NLGN1: variants seen among roughly 807,000 people sequenced by gnomAD.
NLGN1 encodes the protein neuroligin-1.
NLGN1 carries 12 observed loss-of-function variants against 65.5 expected under a neutral mutation model. The ratio of observed to expected loss-of-function variants is 0.18; its 90% CI spans 0.12 to 0.30. The LOEUF is 0.30. NLGN1 is among the 10% of genes least tolerant of loss of function. NLGN1 has a pLI of 1.00. For synonymous variants in NLGN1, 350 were observed against 359.5 expected (o/e 0.97, Z 0.30); for missense variants, 750 against 1,007.1 (o/e 0.74, Z 3.46).
chr3:173,982,015 A>T (rs1235155045), intron 4 of NLGN1, among the ~76,000 whole-genome samples: 3 of 152,066 alleles, frequency 2.0e-5, no homozygotes, highest in Non-Finnish European at 4.4e-5. Flanking sequence ...ATCTGTTTTG[A>T]TATTAAACTC....
intron 3 of NLGN1, among the ~76,000 whole-genome samples, chr3:173,683,931 A>C (rs1764326254): frequency 6.6e-6 from 1 of 152,188 alleles, no homozygotes; most frequent in African/African-American, 2.4e-5. Context: ...ATTTTAGCAC[A>C]GATCCAGCTG....
intron 3 of NLGN1, among the ~76,000 whole-genome samples, chr3:173,648,550 G>A (rs1758638676): frequency 6.6e-6 from 1 of 151,894 alleles, no homozygotes; most frequent in Admixed American, 6.6e-5. Flanking sequence ...GAAAACAACT[G>A]GGTAGATTCT....
chr3:173,897,885 C>G (rs1164177533), intron 4 of NLGN1, among the ~76,000 whole-genome samples: 2 of 152,132 alleles, frequency 1.3e-5, no homozygotes, highest in Non-Finnish European at 2.9e-5. Context: ...CTTTAGACTA[C>G]ATGAATCATT....
chr3:173,504,496 G>A (rs1163116787), intron 2 of NLGN1, among the ~76,000 whole-genome samples: 1 of 152,012 alleles, frequency 6.6e-6, no homozygotes, highest in Non-Finnish European at 1.5e-5. Flanking sequence ...AGTTTGCAAA[G>A]CACATATCTT....
Position 173,401,473 on chromosome 3 carries a change from G to A in NLGN1, c.-390+2986G>A, listed in dbSNP as rs866642973. Reference sequence around the variant, plus strand: ...ATAAGTGGTAGAGGACACATGATAAGATTTAAAAAACAAATAAGAAGAAGG... The same window carrying A: ...ATAAGTGGTAGAGGACACATGATAAAATTTAAAAAACAAATAAGAAGAAGG... On this transcript the variant is annotated intron_variant, in intron 1 of 6. Transcript: ENST00000457714. Among the ~76,000 whole-genome samples, 21 of 152,028 alleles carry A rather than the reference G, an allele frequency of 1.4e-4. No homozygotes were observed. In the Middle Eastern group the frequency reaches 0.01, roughly 74 times the overall value.
At chr3:174,080,210 CAT>C (rs1741862770) in intron 4 of NLGN1, among the ~76,000 whole-genome samples, 1 of 152,084 alleles carries the variant, frequency 6.6e-6, no homozygotes, top group African/African-American at 2.4e-5. Context: ...TCAATCATAA[CAT>C]AGAATAAATT....
At chr3:173,551,023 CT>C (rs1471815367) in intron 2 of NLGN1, among the ~76,000 whole-genome samples, 3 of 152,102 alleles carry the variant, frequency 2.0e-5, no homozygotes, top group African/African-American at 7.2e-5. Context: ...AGATTTCTGC[CT>C]TTACTGCATT....
At chr3:174,256,146 G>A (rs1745711823) in intron 4 of NLGN1, among the ~76,000 whole-genome samples, 1 of 152,086 alleles carries the variant, frequency 6.6e-6, no homozygotes, top group African/African-American at 2.4e-5. Context: ...TCATTCATTT[G>A]TTATTTATTT....
intron 3 of NLGN1, among the ~76,000 whole-genome samples, chr3:173,760,399 G>A (rs1026443684): frequency 6.6e-6 from 1 of 151,682 alleles, no homozygotes; most frequent in Non-Finnish European, 1.5e-5. Flanking sequence ...TAAATATTAT[G>A]AGAATCATAA....
At chr3:173,511,051 A>G (rs1732863285) in intron 2 of NLGN1, among the ~76,000 whole-genome samples, 1 of 152,182 alleles carries the variant, frequency 6.6e-6, no homozygotes, top group African/African-American at 2.4e-5. Flanking sequence ...CTAAGATAAT[A>G]TCAGTAATTT....
intron 4 of NLGN1, among the ~76,000 whole-genome samples, chr3:174,172,533 A>G (rs1422226792): frequency 2.0e-5 from 3 of 152,050 alleles, no homozygotes; most frequent in Non-Finnish European, 4.4e-5. Flanking sequence ...TCTTTTGCAT[A>G]TAGGTGTCCA....
chr3:173,852,819 C>G (rs1480826971), intron 4 of NLGN1, among the ~76,000 whole-genome samples: 1 of 152,102 alleles, frequency 6.6e-6, no homozygotes. Flanking sequence ...TTAAAATGAT[C>G]AATAACAATC....
chr3:173,414,969 G>T (rs1713379612), intron 1 of NLGN1, among the ~76,000 whole-genome samples: 1 of 152,156 alleles, frequency 6.6e-6, no homozygotes, highest in African/African-American at 2.4e-5. Flanking sequence ...CAAATAAATT[G>T]AAACAAGAGC....
intron 2 of NLGN1, among the ~76,000 whole-genome samples, chr3:173,590,486 ACCT>A (rs910261471): frequency 1.3e-5 from 2 of 152,068 alleles, no homozygotes; most frequent in African/African-American, 4.8e-5. Context: ...AGTCTGTATA[ACCT>A]CCACCATAGT....
intron 3 of NLGN1, among the ~76,000 whole-genome samples, chr3:173,712,404 T>C (rs1769130833): frequency 6.6e-6 from 1 of 152,202 alleles, no homozygotes; most frequent in Admixed American, 6.5e-5. Context: ...AAGCTAATTA[T>C]ACTCAAGATT....
chr3:173,425,744 A>G (rs1013115639), intron 1 of NLGN1, among the ~76,000 whole-genome samples: 1 of 152,172 alleles, frequency 6.6e-6, no homozygotes, highest in Admixed American at 6.5e-5. Flanking sequence ...GCCTTGTAGT[A>G]TACTTTGAAG....
intron 3 of NLGN1, among the ~76,000 whole-genome samples, chr3:173,713,026 A>T (rs1326481475): frequency 6.6e-6 from 1 of 152,132 alleles, no homozygotes; most frequent in Non-Finnish European, 1.5e-5. Context: ...ATTCTAAGAG[A>T]TTATATTCAT....
chr3:174,206,989 C>T (rs1735538450), intron 4 of NLGN1, among the ~76,000 whole-genome samples: 1 of 152,018 alleles, frequency 6.6e-6, no homozygotes, highest in Non-Finnish European at 1.5e-5. Context: ...CTCAGGATTA[C>T]CATGGAAACA....
chr3:173,640,079 A>T (rs968417937), intron 3 of NLGN1, among the ~76,000 whole-genome samples: 5 of 152,200 alleles, frequency 3.3e-5, no homozygotes, highest in Admixed American at 6.5e-5. Context: ...TTAATATGTC[A>T]TCTTTCAAGG....
Sources: gnomAD v4.1 joint callset for allele counts (sites outside exome capture counted in the v4.1 genomes callset) on GRCh38, gnomAD v4.1.1 for gene constraint, MANE v1.5 for transcripts, NCBI Gene and HGNC (gene_info 2026-07-23, HGNC 2026-07-21) for gene names.